CAST: variants seen among roughly 807,000 people sequenced by gnomAD.
The protein encoded by CAST is calpastatin.
CAST carries 76 observed loss-of-function variants against 119.6 expected under a neutral mutation model. The ratio of observed to expected loss-of-function variants is 0.64; its 90% CI spans 0.53 to 0.77. The LOEUF (loss-of-function observed/expected upper bound fraction) is 0.77. Ranked by LOEUF, CAST falls within the 30% of genes least tolerant of loss-of-function variation. The pLI is 0.00. For synonymous variants in CAST, 319 were observed against 331.6 expected (o/e 0.96, Z 0.41); for missense variants, 953 against 946.5 (o/e 1.01, Z -0.09).
chr5:96,634,528 C>T lies in CAST; in HGVS notation c.61-41011C>T, dbSNP rs80219850. 3.0e-3 allele frequency among the ~76,000 whole-genome samples: 454 copies of T among 152,220 alleles called. 1 individual carries two copies. The highest frequency in any genetic ancestry group is 0.01 in the African/African-American group (432 of 41,528). ...TGGACTCTTATCTTGACATAGGGGA[C>T]CAGAGAATTGGAGCTTCAGAGGACA... is the stretch of plus-strand genomic sequence containing the variant. On this transcript the variant is annotated intron_variant, in intron 1 of 11. Transcript: ENST00000505143.
the CAST span, among the ~76,000 whole-genome samples, chr5:96,036,383 C>T: frequency 6.6e-6 from 1 of 151,950 alleles, no homozygotes; most frequent in African/African-American, 2.4e-5. Flanking sequence ...TGAATTTGGC[C>T]CATAAACTGC....
chr5:96,366,213 G>A, the CAST span, among the ~76,000 whole-genome samples: 4 of 152,308 alleles, frequency 2.6e-5, no homozygotes, highest in East Asian at 7.7e-4. Flanking sequence ...AGTCTGATGG[G>A]CTTCCCTTTG....
At chr5:96,120,561 C>T in the CAST span, among the ~76,000 whole-genome samples, 1 of 151,118 alleles carries the variant, frequency 6.6e-6, no homozygotes, top group Non-Finnish European at 1.5e-5. Context: ...CAGGCTCTGA[C>T]CCTGTGCCCT....
chr5:96,501,413 C>T, the CAST span, among the ~76,000 whole-genome samples: 3 of 152,126 alleles, frequency 2.0e-5, no homozygotes, highest in South Asian at 6.2e-4. Context: ...TCAAAAAAAA[C>T]TTGTGGAACA....
At chr5:96,044,817 T>G in the CAST span, among the ~76,000 whole-genome samples, 1 of 152,194 alleles carries the variant, frequency 6.6e-6, no homozygotes, top group African/African-American at 2.4e-5. Flanking sequence ...GCAATGAGAA[T>G]GAATGAATGA....
At position 96,621,179 on chromosome 5, in the gene CAST, CTCTTG is replaced by C. The variant is rs1396311613; in HGVS notation, c.61-54353_61-54349del. On this transcript the variant is annotated intron_variant, in intron 1 of 11. Coordinates refer to the CAST transcript ENST00000505143. ...TCCTGTAAGTGTCTGCATTTTAAAT[CTCTTG>C]TCTTGTAGAAGAAAGGTTTTGTCTC... Among the ~76,000 whole-genome samples, 7 of 152,280 alleles carry C rather than the reference CTCTTG, an allele frequency of 4.6e-5. No homozygotes were observed. The East Asian group carries it at 1.2e-3, about 25-fold the overall frequency.
chr5:96,355,747 T>C, the CAST span, among the ~76,000 whole-genome samples: 1 of 152,008 alleles, frequency 6.6e-6, no homozygotes, highest in Non-Finnish European at 1.5e-5. Flanking sequence ...GTGTCACCAG[T>C]CTTGAGTGCA....
chr5:96,264,132 G>C, the CAST span, among the ~76,000 whole-genome samples: 3 of 152,246 alleles, frequency 2.0e-5, no homozygotes, highest in East Asian at 5.8e-4. Flanking sequence ...GTTGTAAATT[G>C]TATTCAATTA....
At chr5:96,476,397 T>C in the CAST span, among the ~76,000 whole-genome samples, 1 of 152,228 alleles carries the variant, frequency 6.6e-6, no homozygotes, top group African/African-American at 2.4e-5. Context: ...AAAAGTCTCA[T>C]GGTCATATGA....
the CAST span, chr5:96,423,285 TCA>T: frequency 6.3e-7 from 1 of 1,591,140 alleles, no homozygotes; most frequent in Admixed American, 1.7e-5. Flanking sequence ...GCTCCCTAAG[TCA>T]CAGTCATGAG....
At chr5:96,427,128 T>C in the CAST span, among the ~76,000 whole-genome samples, 11 of 152,222 alleles carry the variant, frequency 7.2e-5, no homozygotes, top group African/African-American at 2.7e-4. Flanking sequence ...CTTGTAAAGA[T>C]AGACTGTTGC....
chr5:96,402,124 T>C, the CAST span, among the ~76,000 whole-genome samples: 5 of 152,142 alleles, frequency 3.3e-5, no homozygotes, highest in African/African-American at 1.2e-4. Context: ...CCAGAGCCCA[T>C]CATGTACTGG....
chr5:96,183,160 A>AAATAAT, the CAST span, among the ~76,000 whole-genome samples: 27,600 of 143,078 alleles, frequency 0.19, 2,845 homozygotes, highest in African/African-American at 0.25. Flanking sequence ...AAAATAAATA[A>AAATAAT]AATAATAATA....
At chr5:96,607,266 C>T (rs1273697629) in intron 1 of CAST, among the ~76,000 whole-genome samples, 2 of 152,054 alleles carry the variant, frequency 1.3e-5, no homozygotes, top group African/African-American at 2.4e-5. Flanking sequence ...CCAGCCTGGG[C>T]GACAGAGCGG....
chr5:96,396,463 A>G, the CAST span, among the ~76,000 whole-genome samples: 1,230 of 151,734 alleles, frequency 8.1e-3, 7 homozygotes, highest in Non-Finnish European at 0.014. Flanking sequence ...CGGGAGGCTG[A>G]GGCAGGAGAA....
chr5:96,371,499 C>T, the CAST span, among the ~76,000 whole-genome samples: 1 of 152,226 alleles, frequency 6.6e-6, no homozygotes, highest in Non-Finnish European at 1.5e-5. Flanking sequence ...CTTCCAGAAA[C>T]ATTTATTGTC....
upstream of CAST, among the ~76,000 whole-genome samples, chr5:96,660,263 C>T (rs918803261): frequency 2.6e-5 from 4 of 152,192 alleles, no homozygotes; most frequent in Admixed American, 1.3e-4. Context: ...TCCTTTCCCT[C>T]CTATTGTTGA....
chr5:96,639,515 T>C (rs1440199445), intron 1 of CAST, among the ~76,000 whole-genome samples: 1 of 152,042 alleles, frequency 6.6e-6, no homozygotes, highest in East Asian at 1.9e-4. Flanking sequence ...ATGTATAAAA[T>C]GAGAAAAAGA....
the CAST span, among the ~76,000 whole-genome samples, chr5:96,184,068 A>G: frequency 6.6e-6 from 1 of 152,204 alleles, no homozygotes; most frequent in African/African-American, 2.4e-5. Flanking sequence ...AATCACAGAA[A>G]TTCAGGACCA....
Sources: allele counts gnomAD v4.1 joint callset (sites outside exome capture counted in the v4.1 genomes callset), GRCh38; gene constraint gnomAD v4.1.1; transcripts MANE v1.5; gene names NCBI Gene and HGNC (gene_info 2026-07-23, HGNC 2026-07-21).